Variants in CFAP47 observed in about 807,000 individuals in gnomAD.
CFAP47 encodes the protein cilia- and flagella-associated protein 47.
A neutral mutation model predicts 148.1 loss-of-function variants in CFAP47; 29 were observed. The ratio of observed to expected loss-of-function variants is 0.20; its 90% CI spans 0.15 to 0.27. The LOEUF (loss-of-function observed/expected upper bound fraction) is 0.27, where lower values mean the gene tolerates loss of function less well. Among genes scored for constraint, CFAP47 ranks in the 10% least tolerant of loss-of-function variants. The pLI, the probability that CFAP47 is intolerant of heterozygous loss-of-function variation, is 1.00. For synonymous variants in CFAP47, 664 were observed against 577.3 expected, an observed-to-expected ratio of 1.15 and a Z score of -2.15; for missense variants, 1,872 against 1,697.5, an observed-to-expected ratio of 1.10 and a Z score of -1.81.
intron 22 of CFAP47, among the ~76,000 whole-genome samples, chrX:36,022,445 C>A (rs1937170778): frequency 9.1e-6 from 1 of 110,416 alleles, no homozygotes. Context: ...ATTATTAAAT[C>A]CCTTGAGGTA....
At chrX:35,957,206 T>TAAA (rs1209788550) in intron 8 of CFAP47, among the ~76,000 whole-genome samples, 1 of 44,471 alleles carries the variant, frequency 2.2e-5, no homozygotes. Context: ...AGACTCCATC[T>TAAA]CAAAAAAAAA....
At chrX:36,113,270 T>G (rs185322221) in intron 33 of CFAP47, among the ~76,000 whole-genome samples, 2 of 112,334 alleles carry the variant, frequency 1.8e-5, no homozygotes, top group East Asian at 5.6e-4. Context: ...TCAGGAGCTC[T>G]TGTAAGGCAG....
At chrX:36,234,220 G>A (rs1367394631) in intron 46 of CFAP47, among the ~76,000 whole-genome samples, 2 of 110,335 alleles carry the variant, frequency 1.8e-5, no homozygotes, top group African/African-American at 6.6e-5. Flanking sequence ...TTTCCAACTT[G>A]GTTCCATTCT....
At chrX:36,019,421 A>G (rs1484098509) in intron 22 of CFAP47, among the ~76,000 whole-genome samples, 3 of 111,764 alleles carry the variant, frequency 2.7e-5, no homozygotes, top group African/African-American at 6.5e-5. Context: ...CTGTGGTAGG[A>G]CAAAGGTTAG....
chrX:36,062,160 T>C (rs1425785833), intron 26 of CFAP47, among the ~76,000 whole-genome samples: 4 of 111,550 alleles, frequency 3.6e-5, no homozygotes, highest in African/African-American at 9.8e-5. Flanking sequence ...AGATTGCTTT[T>C]AGAATGTAAG....
chrX:36,234,841 G>C lies in CFAP47; in HGVS notation c.7015-1093G>C, dbSNP rs782265969. Among the ~76,000 whole-genome samples the C allele has an allele frequency of 9.0e-3, 1,008 of 111,913 alleles. 13 individuals are homozygous for C. The highest frequency in any genetic ancestry group is 0.031 in the African/African-American group (942 of 30,768). Reference sequence around the variant, plus strand: ...TTAGTTTTCCTTCTAAGAGACAGGAGCCTCAGCTGCAGGTCTGTTGGAGTT... The same window carrying C: ...TTAGTTTTCCTTCTAAGAGACAGGACCCTCAGCTGCAGGTCTGTTGGAGTT... On this transcript the variant is annotated intron_variant, in intron 46 of 63. Coordinates refer to ENST00000378653, the MANE Select transcript of CFAP47 (RefSeq NM_001304548.2).
At chrX:35,934,480 C>A (rs1171248481) in intron 2 of CFAP47, among the ~76,000 whole-genome samples, 1 of 110,197 alleles carries the variant, frequency 9.1e-6, no homozygotes, top group African/African-American at 3.3e-5. Context: ...TGGCCCAGGG[C>A]AGGTCCAGAA....
chrX:36,349,044 A>C (rs1941721218), intron 58 of CFAP47, among the ~76,000 whole-genome samples: 1 of 111,316 alleles, frequency 9.0e-6, no homozygotes, highest in Non-Finnish European at 1.9e-5. Context: ...TGTAAGTCTC[A>C]GTGAAAAATG....
At chrX:35,927,116 C>CT (rs1198091147) in intron 2 of CFAP47, among the ~76,000 whole-genome samples, 1 of 108,067 alleles carries the variant, frequency 9.3e-6, no homozygotes, top group Non-Finnish European at 1.9e-5. Flanking sequence ...GATCACGCCA[C>CT]TGCACTCCAG....
At chrX:36,146,413 C>T (rs5972025) in intron 36 of CFAP47, among the ~76,000 whole-genome samples, 10,997 of 111,171 alleles carry the variant, frequency 0.099, 1,065 homozygotes, top group African/African-American at 0.3. Context: ...AAATAGAACA[C>T]GATTTATTTT....
intron 62 of CFAP47, among the ~76,000 whole-genome samples, chrX:36,371,788 G>C (rs1186193841): frequency 4.0e-5 from 2 of 50,151 alleles, no homozygotes; most frequent in East Asian, 6.3e-4. Flanking sequence ...GTGTATATAT[G>C]TGTGTATATA....
At chrX:36,070,071 G>A (rs935592253) in intron 27 of CFAP47, among the ~76,000 whole-genome samples, 1 of 111,459 alleles carries the variant, frequency 9.0e-6, no homozygotes, top group Non-Finnish European at 1.9e-5. Flanking sequence ...GTCTATAGTG[G>A]TGTAGCATTC....
intron 48 of CFAP47, among the ~76,000 whole-genome samples, chrX:36,240,687 A>G (rs1227902459): frequency 9.0e-6 from 1 of 111,406 alleles, no homozygotes; most frequent in Non-Finnish European, 1.9e-5. Context: ...GAAGAGAAAT[A>G]TAATGGAAAA....
intron 30 of CFAP47, among the ~76,000 whole-genome samples, chrX:36,090,072 G>A (rs747558034): frequency 1.8e-5 from 2 of 111,623 alleles, no homozygotes; most frequent in Admixed American, 9.6e-5. Context: ...TAAATGTCTT[G>A]TTGACATAAA....
chrX:36,350,146 A>G lies in CFAP47; in HGVS notation c.8698+14A>G. The stretch of plus-strand genomic sequence containing the variant: ...AATCTCCCCCAGGTAGGTATACATT[A>G]GGGTCAGAGAATGCCAGAATTCTTA... On this transcript the variant is annotated intron_variant, in intron 59 of 63. Transcript: ENST00000378653. 1 of 1,014,764 alleles carries G rather than the reference A, an allele frequency of 9.9e-7. No homozygotes were observed. Among genetic ancestry groups the G allele is most frequent in the Non-Finnish European group, 1.4e-6 (1 of 739,873 alleles). The allele number at this position is 1,014,764 out of a possible 1,213,427, so 83.6% of individuals were successfully genotyped here.
chrX:36,038,444 T>G (rs1482501398), intron 24 of CFAP47, among the ~76,000 whole-genome samples: 1 of 112,428 alleles, frequency 8.9e-6, no homozygotes, highest in Admixed American at 9.4e-5. Flanking sequence ...CTATCTTTTC[T>G]CTTATTAAGC....
chrX:36,358,926 C>G (rs1556018823), intron 60 of CFAP47, among the ~76,000 whole-genome samples: 1 of 111,377 alleles, frequency 9.0e-6, no homozygotes, highest in Non-Finnish European at 1.9e-5. Context: ...TTCCCAGGAC[C>G]TGTGCTCTCA....
chrX:36,347,739 A>C (rs1043861574), intron 57 of CFAP47, among the ~76,000 whole-genome samples: 1 of 109,822 alleles, frequency 9.1e-6, no homozygotes, highest in African/African-American at 3.3e-5. Flanking sequence ...ATGAGAACAC[A>C]TGGACACAGG....
Position 36,353,616 on chromosome X carries a change from C to T in CFAP47, c.8786C>T (p.Pro2929Leu). The T allele has an allele frequency of 8.6e-7, 1 of 1,161,508 alleles. No homozygotes were observed. The highest frequency in any genetic ancestry group is 1.2e-6 in the Non-Finnish European group (1 of 868,212). ...NAGFFGFSLT[P>L]DLTEVLVIPK... ...GGTTTTTTCGGATTTAGTCTTACTCCAGATCTGACAGAAGTTTTAGTGATT... is the reference window on the plus strand; with the variant it reads ...GGTTTTTTCGGATTTAGTCTTACTCTAGATCTGACAGAAGTTTTAGTGATT... The change falls in exon 60 of 64, where the codon CCA becomes CTA. Residue 2929 changes from proline to leucine, a missense_variant. Transcript: ENST00000378653.
Sources: allele counts gnomAD v4.1 joint callset (sites outside exome capture counted in the v4.1 genomes callset), GRCh38; gene constraint gnomAD v4.1.1; transcripts MANE v1.5; gene names NCBI Gene and HGNC (gene_info 2026-07-23, HGNC 2026-07-21).